Variants in EHMT1 observed in about 807,000 individuals in gnomAD.
EHMT1 encodes the protein histone-lysine N-methyltransferase EHMT1.
EHMT1 carries 15 observed loss-of-function variants against 147.2 expected under a neutral mutation model. The observed-to-expected ratio is 0.10, with a 90% CI of 0.07 to 0.16. The LOEUF is 0.16. Among genes scored for constraint, EHMT1 ranks in the 10% least tolerant of loss-of-function variants. The probability of loss-of-function intolerance (pLI) is 1.00; values close to 1 mark genes in which losing one functional copy is unlikely to be tolerated. For missense variants in EHMT1, 1,587 were observed against 1,772.4 expected (o/e 0.90, Z 1.88); for synonymous variants, 795 against 709.6 (o/e 1.12, Z -1.91).
rs886740560 is a variant in EHMT1 at position 137,716,858 on chromosome 9, A to T, written c.318A>T (p.Gln106His). The change falls in exon 3 of 27, where the codon CAA (glutamine) becomes CAT (histidine). Residue 106 changes from glutamine to histidine, a missense_variant. Coordinates refer to ENST00000460843, the MANE Select transcript of EHMT1 (RefSeq NM_024757.5). Reference protein sequence around the residue: ...VSERDSEAAKQNHVTADDFVQ... With the variant: ...VSERDSEAAKHNHVTADDFVQ... The stretch of plus-strand genomic sequence containing the variant: ...AAAGAGACTCAGAAGCGGCGAAGCA[A>T]AACCACGTCACTGCCGACGACTTTG... 1 of 1,613,184 alleles carries T rather than the reference A, an allele frequency of 6.2e-7. No individual in the cohort carries two copies. Among genetic ancestry groups the T allele is most frequent in the African/African-American group, 1.3e-5 (1 of 74,884 alleles).
In EHMT1 at chr9:137,743,917, G is replaced by C; in HGVS notation, c.997G>C (p.Gly333Arg). The C allele has an allele frequency of 6.2e-7, 1 of 1,612,746 alleles. No homozygotes were observed. Among genetic ancestry groups the C allele is most frequent in the Middle Eastern group, 1.7e-4 (1 of 5,878 alleles). ...TVGSKGEKDL[G>R]ASSLHVNGES... is the part of the protein sequence containing the mutation. ...CGTGTTCTAGGGGGAGAAGGACCTG[G>C]GCGCCAGCAGCCTGCACGTGAATGG... Residue 333 changes from glycine (G) to arginine (R), a missense_variant, in exon 6 of 27, where the codon GGC becomes CGC. Physicochemically the swap from Gly to Arg is moderately radical, Grantham distance 125 (BLOSUM62 -2). Transcript: ENST00000460843.
intron 19 of EHMT1, among the ~76,000 whole-genome samples, 155 bp downstream of exon 19, chr9:137,811,770 A>T (rs1954507433): frequency 1.3e-5 from 2 of 152,324 alleles, no homozygotes; most frequent in South Asian, 4.1e-4. Context: ...TTCCACACGC[A>T]GAGAAGTGTC....
At chr9:137,798,654 G>A (rs916575095) in intron 16 of EHMT1, among the ~76,000 whole-genome samples, 159 bp from the exon 17 acceptor site, 6 of 152,146 alleles carry the variant, frequency 3.9e-5, no homozygotes, top group African/African-American at 1.2e-4. Context: ...CTTGGACCTC[G>A]GCTGTTCCCT....
At position 137,739,187 on chromosome 9, in the gene EHMT1, C is replaced by T. The variant is rs141751610; in HGVS notation, c.824-4184C>T. On this transcript the variant is annotated intron_variant, in intron 4 of 26. Transcript: ENST00000460843. ...GAGATCGAGACCATCCTGGCTAACA[C>T]GGTGAAACCTCGTCTCTACTAAAAA... Among the ~76,000 whole-genome samples the T allele has an allele frequency of 5.5e-3, 830 of 151,450 alleles. 8 individuals carry two copies. The highest frequency in any genetic ancestry group is 0.017 in the African/African-American group (721 of 41,302).
chr9:137,765,264 G>C (rs565661760), intron 10 of EHMT1, among the ~76,000 whole-genome samples: 1 of 152,162 alleles, frequency 6.6e-6, no homozygotes, highest in Non-Finnish European at 1.5e-5. Context: ...AGCTTCAGCC[G>C]GGATTGGCAG....
intron 1 of EHMT1, among the ~76,000 whole-genome samples, chr9:137,658,026 C>A (rs1237413335): frequency 6.6e-6 from 1 of 152,170 alleles, no homozygotes; most frequent in Non-Finnish European, 1.5e-5. Flanking sequence ...CCAGTTCCAT[C>A]CTAGTTGTGG....
intron 4 of EHMT1, chr9:137,743,125 G>T: frequency 2.0e-6 from 1 of 491,484 alleles, no homozygotes. Flanking sequence ...TTTGCTCCGT[G>T]TTTTGTTGTG....
At position 137,720,004 on chromosome 9, in the gene EHMT1, ACACCAGGACACAG is replaced by A. The variant is rs1178931179; in HGVS notation, c.642+2823_642+2835del. Among the ~76,000 whole-genome samples, 40 of 42,728 alleles carry A rather than the reference ACACCAGGACACAG, an allele frequency of 9.4e-4. 1 individual carries two copies. The highest frequency in any genetic ancestry group is 2.8e-3 in the South Asian group (3 of 1,064). The allele number at this position is 42,728 out of a possible 152,430, so 28.0% of individuals were successfully genotyped here. ...ACAGTCGAGGTGCCGAACCCCCTCCACACCAGGACACAGTCGAGGTGCCGAACCTCCTCCACAC... is the reference window on the plus strand; with the variant it reads ...ACAGTCGAGGTGCCGAACCCCCTCCATCGAGGTGCCGAACCTCCTCCACAC... On this transcript the variant is annotated intron_variant, in intron 3 of 26. Coordinates refer to ENST00000460843, the MANE Select transcript of EHMT1 (RefSeq NM_024757.5).
chr9:137,816,111 C>T (rs368247649), intron 23 of EHMT1, 49 bp downstream of exon 23: 83 of 1,516,444 alleles, frequency 5.5e-5, no homozygotes, highest in Admixed American at 9.4e-5. Flanking sequence ...CGTATTAGCA[C>T]GTATTAGCAC....
intron 16 of EHMT1, among the ~76,000 whole-genome samples, chr9:137,797,870 T>A (rs1184188221): frequency 2.6e-5 from 4 of 151,830 alleles, no homozygotes; most frequent in African/African-American, 9.7e-5. Context: ...GTGGAGTGCG[T>A]CTGCGGGCCT....
intron 23 of EHMT1, chr9:137,817,043 T>G: frequency 3.6e-6 from 1 of 281,554 alleles, no homozygotes; most frequent in South Asian, 3.6e-5. Flanking sequence ...CTGAGGGGCC[T>G]GTGGGCTCCT....
At chr9:137,821,467 A>G (rs1341662200) in intron 25 of EHMT1, among the ~76,000 whole-genome samples, 1 of 151,934 alleles carries the variant, frequency 6.6e-6, no homozygotes, top group Non-Finnish European at 1.5e-5. Context: ...AGGTAGGACT[A>G]CAAGTGTGCA....
intron 1 of EHMT1, among the ~76,000 whole-genome samples, chr9:137,693,024 T>C (rs1588200938): frequency 6.6e-6 from 1 of 152,290 alleles, no homozygotes; most frequent in East Asian, 1.9e-4. Flanking sequence ...CTTTGGACCC[T>C]TTGGCGAATG....
chr9:137,700,166 A>G (rs145999597), intron 1 of EHMT1, among the ~76,000 whole-genome samples: 3 of 152,296 alleles, frequency 2.0e-5, no homozygotes, highest in Middle Eastern at 6.8e-3. Flanking sequence ...TATTTTATGG[A>G]CTTGACATGT....
At chr9:137,669,452 C>G (rs796267790) in intron 1 of EHMT1, among the ~76,000 whole-genome samples, 10 of 140,438 alleles carry the variant, frequency 7.1e-5, no homozygotes, top group Non-Finnish European at 9.4e-5. Flanking sequence ...AGCACGTGCA[C>G]TCACCTCCAC....
At chr9:137,660,813 C>T (rs556559644) in intron 1 of EHMT1, among the ~76,000 whole-genome samples, 49 of 152,156 alleles carry the variant, frequency 3.2e-4, no homozygotes, top group Non-Finnish European at 6.0e-4. Flanking sequence ...CTGATGCCAT[C>T]GTAAGTGATG....
At chr9:137,687,748 A>C (rs749086344) in intron 1 of EHMT1, among the ~76,000 whole-genome samples, 1 of 152,222 alleles carries the variant, frequency 6.6e-6, no homozygotes. Flanking sequence ...ATTTGCCAGC[A>C]CCTTGATCTT....
chr9:137,640,987 C>T (rs1844444588), intron 1 of EHMT1: 1 of 187,938 alleles, frequency 5.3e-6, no homozygotes, highest in Admixed American at 6.1e-5. Context: ...GGTTCTAATC[C>T]ATGTGTGTTC....
intron 10 of EHMT1, 123 bp downstream of exon 10, chr9:137,762,943 G>A (rs1564714982): frequency 1.5e-6 from 2 of 1,303,816 alleles, no homozygotes; most frequent in South Asian, 2.4e-5. Flanking sequence ...AGCCTGAGTG[G>A]ATTCTGCGCA....
Sources: allele counts gnomAD v4.1 joint callset (sites outside exome capture counted in the v4.1 genomes callset), GRCh38; gene constraint gnomAD v4.1.1; transcripts MANE v1.5; gene names NCBI Gene and HGNC (gene_info 2026-07-23, HGNC 2026-07-21).